The following ZNF66 variants were observed in gnomAD, a reference collection of about 807,000 sequenced individuals.
The protein encoded by ZNF66 is putative zinc finger protein 66.
In ZNF66, 32 loss-of-function variants were observed where a neutral mutation model predicts 35.2. The ratio of observed to expected loss-of-function variants is 0.91; its 90% confidence interval spans 0.69 to 1.22. The LOEUF (loss-of-function observed/expected upper bound fraction) is 1.22, where lower values mean the gene tolerates loss of function less well. Ranked by LOEUF, ZNF66 falls within the 50% of genes most tolerant of loss-of-function variation. The probability of loss-of-function intolerance (pLI) is 0.00; values close to 1 mark genes in which losing one functional copy is unlikely to be tolerated. For missense variants in ZNF66, 666 were observed against 543.1 expected (o/e 1.23, Z -2.25); for synonymous variants, 231 against 181.3 (o/e 1.27, Z -2.20).
At chr19:20,788,135 T>C (rs1427790571) in intron 1 of ZNF66, among the ~76,000 whole-genome samples, 1 of 152,168 alleles carries the variant, frequency 6.6e-6, no homozygotes, top group Non-Finnish European at 1.5e-5. Context: ...TCCAGTTTCC[T>C]GTTACTTGGA....
Position 20,805,884 on chromosome 19 carries a change from T to G in ZNF66, c.284T>G (p.Phe95Cys), listed in dbSNP as rs760293753. The change falls in exon 4 of 4, where the codon TTC becomes TGC. Residue 95 changes from phenylalanine to cysteine, a missense_variant. Transcript: ENST00000344519. ...CCAGAGCAGAGCATAAAAGATTCTT[T>G]CCAAAAACTGATACTGAGAAGGCAT... Reference protein sequence around the residue: ...LWPEQSIKDSFQKLILRRHKK... With the variant: ...LWPEQSIKDSCQKLILRRHKK... The G allele has an allele frequency of 1.5e-6, 1 of 654,356 alleles. No individual in the cohort carries two copies. The highest frequency in any genetic ancestry group is 2.8e-6 in the Non-Finnish European group (1 of 361,260). 40.5% of individuals were successfully genotyped at this position (654,356 alleles called of 1,614,324 possible). A position where few individuals can be genotyped will look rare whatever the true frequency, so the allele number is the denominator to read the frequency against.
In ZNF66 at chr19:20,807,453, A is replaced by G; in HGVS notation, c.*131A>G. 1.9e-6 allele frequency: 1 copy of G among 539,944 alleles called. No homozygotes were observed. Among genetic ancestry groups the G allele is most frequent in the Non-Finnish European group, 3.3e-6 (1 of 305,268 alleles). 33.4% of individuals were successfully genotyped at this position (539,944 alleles called of 1,614,324 possible). ...ATATGAGAATTTATGGAACACAAAC[A>G]CTACAAATATAAAGAATGTGACAAA... On this transcript the variant is annotated 3_prime_UTR_variant, in exon 4 of 4. Transcript: ENST00000344519.
chr19:20,777,639 A>T (rs1023133253), intron 1 of ZNF66, among the ~76,000 whole-genome samples: 20 of 151,300 alleles, frequency 1.3e-4, no homozygotes, highest in Non-Finnish European at 2.2e-4. Context: ...TATTATTATT[A>T]TTTTTTGAGA....
At position 20,776,347 on chromosome 19, in the gene ZNF66, C is replaced by G. The variant is rs541225043; in HGVS notation, c.-101C>G. ...AGCTCCAGGTCGTCTGTTCACTGCT[C>G]TCTGTCTTCTTCTCCTAGAGGCCCA... On this transcript the variant is annotated 5_prime_UTR_variant, in exon 1 of 4. Transcript: ENST00000344519. 5.3e-5 allele frequency: 79 copies of G among 1,485,096 alleles called. No individual in the cohort carries two copies. The Middle Eastern group carries it at 1.4e-3, about 26-fold the overall frequency. 92.0% of individuals were successfully genotyped at this position (1,485,096 alleles called of 1,614,324 possible). A position where few individuals can be genotyped will look rare whatever the true frequency, so the allele number is the denominator to read the frequency against.
chr19:20,803,577 T>G (rs1971471747), intron 3 of ZNF66, among the ~76,000 whole-genome samples: 1 of 152,116 alleles, frequency 6.6e-6, no homozygotes, highest in African/African-American at 2.4e-5. Flanking sequence ...ATTTCTATAG[T>G]TTTTATCTTT....
At chr19:20,804,754 C>T (rs1451533163) in intron 3 of ZNF66, among the ~76,000 whole-genome samples, 13 of 152,160 alleles carry the variant, frequency 8.5e-5, no homozygotes, top group Admixed American at 8.5e-4. Context: ...GTTGTCATGG[C>T]TAGAGATTTT....
intron 3 of ZNF66, among the ~76,000 whole-genome samples, chr19:20,804,018 A>T (rs1971475896): frequency 6.6e-6 from 1 of 152,098 alleles, no homozygotes; most frequent in South Asian, 2.1e-4. Flanking sequence ...AAATTCTCTT[A>T]TCTGTGATTT....
At chr19:20,803,226 A>G (rs1217178884) in intron 3 of ZNF66, among the ~76,000 whole-genome samples, 1 of 151,662 alleles carries the variant, frequency 6.6e-6, no homozygotes, top group African/African-American at 2.4e-5. Flanking sequence ...AATTATATAT[A>G]TTTAAATAGT....
In ZNF66 at chr19:20,806,006, T is replaced by C; in HGVS notation, c.406T>C (p.Cys136Arg). The change falls in exon 4 of 4, where the codon TGT (cysteine) becomes CGT (arginine). Residue 136 changes from cysteine (C) to arginine (R), a missense_variant. Transcript: ENST00000344519. ...HKRGYNGLNQ[C>R]LTTTQSKMFQ... The stretch of plus-strand genomic sequence containing the variant: ...AAGAGGTTATAATGGACTTAACCAA[T>C]GTTTGACAACTACCCAAAGCAAAAT... 2 of 800,604 alleles carry C rather than the reference T, an allele frequency of 2.5e-6. No homozygotes were observed. The allele number at this position is 800,604 out of a possible 1,614,324, so 49.6% of individuals were successfully genotyped here.
rs1417568016 is a variant in ZNF66 at position 20,808,291 on chromosome 19, AAGAC to A, written c.*972_*975del. On this transcript the variant is annotated 3_prime_UTR_variant, in exon 4 of 4. Transcript: ENST00000344519. ...CCTCTGGGGTCAGGGCACAGACAAAAAGACAGCAGTAACCTCTGCAGACTTAAAC... is the reference window on the plus strand; with the variant it reads ...CCTCTGGGGTCAGGGCACAGACAAAAAGCAGTAACCTCTGCAGACTTAAAC... Among the ~76,000 whole-genome samples the A allele has an allele frequency of 8.5e-5, 13 of 152,210 alleles. No individual in the cohort carries two copies. The highest frequency in any genetic ancestry group is 1.7e-4 in the African/African-American group (7 of 41,462).
intron 3 of ZNF66, among the ~76,000 whole-genome samples, chr19:20,797,991 G>A (rs543410088): frequency 3.9e-5 from 6 of 152,018 alleles, no homozygotes; most frequent in Admixed American, 2.0e-4. Context: ...AATTATGCAT[G>A]TCTGTCACAA....
intron 1 of ZNF66, among the ~76,000 whole-genome samples, chr19:20,782,427 T>C (rs8102160): frequency 0.38 from 57,687 of 152,094 alleles, 11,570 homozygotes; most frequent in East Asian, 0.46. Context: ...AATTCTGTTA[T>C]TAGTTCTGTG....
intron 1 of ZNF66, among the ~76,000 whole-genome samples, chr19:20,785,751 G>GTTTTTTTTTTTTTTTTTTTTTTTT (rs1171317364): frequency 6.7e-6 from 1 of 148,638 alleles, no homozygotes; most frequent in African/African-American, 2.5e-5. Flanking sequence ...TTCTTTTTCT[G>GTTTTTTTTTTTTTTTTTTTTTTTT]TTTTTGTTTG....
At chr19:20,805,736 T>G (rs989520603) in intron 3 of ZNF66, 91 bp from the exon 4 acceptor site, 1 of 445,484 alleles carries the variant, frequency 2.2e-6, no homozygotes, top group Non-Finnish European at 4.0e-6. Flanking sequence ...ATCTTGTTTA[T>G]GTAGTTTGTA....
intron 1 of ZNF66, among the ~76,000 whole-genome samples, chr19:20,787,858 C>A (rs1971302122): frequency 6.6e-6 from 1 of 152,174 alleles, no homozygotes; most frequent in Non-Finnish European, 1.5e-5. Flanking sequence ...GGAGTTCCAC[C>A]AGGGCAGTTC....
At chr19:20,805,290 G>T (rs1018563350) in intron 3 of ZNF66, among the ~76,000 whole-genome samples, 1 of 152,058 alleles carries the variant, frequency 6.6e-6, no homozygotes, top group African/African-American at 2.4e-5. Context: ...TGCCTCCTGG[G>T]TTCAAGCAAT....
At position 20,805,699 on chromosome 19, in the gene ZNF66, T is replaced by G. The variant is rs575339011; in HGVS notation, c.227-128T>G. On this transcript the variant is annotated intron_variant, in intron 3 of 3. Transcript: ENST00000344519. ...TTACATTTATATGTCCAGGAAGAAA[T>G]TACAGCTTGTGATATTTTGCTACAT... The G allele has an allele frequency of 9.4e-6, 4 of 424,748 alleles. No individual in the cohort carries two copies. The South Asian group carries it at 3.7e-4, about 39-fold the overall frequency. 26.3% of individuals were successfully genotyped at this position (424,748 alleles called of 1,614,324 possible). A position where few individuals can be genotyped will look rare whatever the true frequency, so the allele number is the denominator to read the frequency against.
At chr19:20,787,557 T>G (rs1971297708) in intron 1 of ZNF66, among the ~76,000 whole-genome samples, 1 of 152,344 alleles carries the variant, frequency 6.6e-6, no homozygotes, top group South Asian at 2.1e-4. Flanking sequence ...TTGTGAGATG[T>G]CAACCTAAAC....
intron 1 of ZNF66, 95 bp downstream of exon 1, chr19:20,776,545 TCTC>T (rs1971196254): frequency 7.1e-7 from 1 of 1,415,720 alleles, no homozygotes; most frequent in African/African-American, 1.4e-5. Flanking sequence ...CACCCCGAAT[TCTC>T]CTTACCCAGC....
Sources: gnomAD v4.1 joint callset for allele counts (sites outside exome capture counted in the v4.1 genomes callset) on GRCh38, gnomAD v4.1.1 for gene constraint, MANE v1.5 for transcripts, NCBI Gene and HGNC (gene_info 2026-07-23, HGNC 2026-07-21) for gene names.